Variants in PALM2AKAP2 observed in about 807,000 individuals in gnomAD.
The protein encoded by PALM2AKAP2 is PALM2-AKAP2 fusion protein.
In PALM2AKAP2, 37 loss-of-function variants were observed where a neutral mutation model predicts 71.5. The observed-to-expected ratio is 0.52, with a 90% CI of 0.40 to 0.68. The LOEUF is 0.68. PALM2AKAP2 is among the 30% of genes least tolerant of loss of function. PALM2AKAP2 has a pLI of 0.00. For missense variants in PALM2AKAP2, 1,224 were observed against 1,191.8 expected, an observed-to-expected ratio of 1.03 and a Z score of -0.40; for synonymous variants, 468 against 478.8, an observed-to-expected ratio of 0.98 and a Z score of 0.29.
At chr9:109,676,635 A>G (rs932008631) in intron 1 of PALM2AKAP2, among the ~76,000 whole-genome samples, 2 of 152,294 alleles carry the variant, frequency 1.3e-5, no homozygotes, top group East Asian at 1.9e-4. Flanking sequence ...GATATAGATG[A>G]GAAAAGAGAA....
At chr9:110,066,663 C>T (rs1341028055) in intron 1 of PALM2AKAP2, among the ~76,000 whole-genome samples, 4 of 150,876 alleles carry the variant, frequency 2.7e-5, no homozygotes, top group Non-Finnish European at 5.9e-5. Context: ...CACAACACTG[C>T]ACTCTAGCCT....
At chr9:110,164,568 T>A (rs1311154665) in intron 3 of PALM2AKAP2, among the ~76,000 whole-genome samples, 1 of 148,690 alleles carries the variant, frequency 6.7e-6, no homozygotes, top group Non-Finnish European at 1.5e-5. Context: ...TCTCACTCTG[T>A]CACCCAGGCT....
At chr9:109,985,189 A>AAAAC (rs1211747166) in intron 6 of PALM2AKAP2, among the ~76,000 whole-genome samples, 4 of 151,924 alleles carry the variant, frequency 2.6e-5, no homozygotes, top group Non-Finnish European at 5.9e-5. Context: ...AAAACAAAAC[A>AAAAC]AAACAAAAAC....
In PALM2AKAP2 at chr9:109,762,770, G is replaced by A. The variant is rs1416689253; in HGVS notation, c.6-17718G>A. On this transcript the variant is annotated intron_variant, in intron 1 of 6. Transcript: ENST00000374531. The stretch of plus-strand genomic sequence containing the variant: ...TGGGAAATTTTAAAAAGGAAAATAG[G>A]AGAATGACATAGACAAGTGACTTTT... Among the ~76,000 whole-genome samples, 6 of 152,232 alleles carry A rather than the reference G, an allele frequency of 3.9e-5. No homozygotes were observed. In the East Asian group the frequency reaches 1.2e-3, roughly 29 times the overall value.
chr9:109,923,075 C>G (rs529006506), intron 3 of PALM2AKAP2, among the ~76,000 whole-genome samples: 2 of 152,330 alleles, frequency 1.3e-5, no homozygotes, highest in East Asian at 3.9e-4. Context: ...CAAATCATAG[C>G]TGCAGCTGCT....
At chr9:110,017,189 G>A (rs1394901984) in intron 7 of PALM2AKAP2, among the ~76,000 whole-genome samples, 1 of 152,118 alleles carries the variant, frequency 6.6e-6, no homozygotes, top group Non-Finnish European at 1.5e-5. Flanking sequence ...TTCTCTCCTG[G>A]ATCTATTAGT....
intron 1 of PALM2AKAP2, among the ~76,000 whole-genome samples, chr9:109,768,005 G>GGAGAGA (rs1456974965): frequency 8.2e-6 from 1 of 122,076 alleles, no homozygotes; most frequent in Admixed American, 8.4e-5. Flanking sequence ...GCAAAGGCAG[G>GGAGAGA]TAGGTAGGAA....
chr9:109,814,793 C>A (rs1729565287), intron 1 of PALM2AKAP2, among the ~76,000 whole-genome samples: 1 of 152,182 alleles, frequency 6.6e-6, no homozygotes, highest in Non-Finnish European at 1.5e-5. Flanking sequence ...ATTGCATAAG[C>A]AGTTCCCTGT....
intron 1 of PALM2AKAP2, among the ~76,000 whole-genome samples, chr9:109,843,412 A>G (rs1828763760): frequency 6.6e-6 from 1 of 151,156 alleles, no homozygotes; most frequent in Non-Finnish European, 1.5e-5. Flanking sequence ...ACATTATTTC[A>G]TTGTTATTAC....
chr9:109,711,663 G>T (rs999987945), intron 1 of PALM2AKAP2, among the ~76,000 whole-genome samples: 1 of 152,246 alleles, frequency 6.6e-6, no homozygotes, highest in Non-Finnish European at 1.5e-5. Flanking sequence ...TAACAGGAGA[G>T]AGAAAAGGTG....
At chr9:109,701,436 A>G (rs1278376131) in intron 1 of PALM2AKAP2, among the ~76,000 whole-genome samples, 1 of 152,222 alleles carries the variant, frequency 6.6e-6, no homozygotes, top group Non-Finnish European at 1.5e-5. Context: ...CAGAAATAAT[A>G]CCACACATCT....
chr9:109,701,395 G>T (rs1011791452), intron 1 of PALM2AKAP2, among the ~76,000 whole-genome samples: 1 of 152,138 alleles, frequency 6.6e-6, no homozygotes, highest in Non-Finnish European at 1.5e-5. Flanking sequence ...CCAAAACAGA[G>T]ATATAGACCA....
chr9:109,793,086 A>C (rs976428015), intron 1 of PALM2AKAP2, among the ~76,000 whole-genome samples: 17 of 152,338 alleles, frequency 1.1e-4, no homozygotes, highest in African/African-American at 3.8e-4. Context: ...CTTTGATTTT[A>C]AATAGTAGCA....
intron 2 of PALM2AKAP2, among the ~76,000 whole-genome samples, chr9:110,141,433 AG>A (rs1337726087): frequency 6.6e-6 from 1 of 152,252 alleles, no homozygotes; most frequent in African/African-American, 2.4e-5. Flanking sequence ...CATTTAAAGC[AG>A]GCACCCGGGC....
At chr9:109,973,670 A>G (rs1421919305) in intron 6 of PALM2AKAP2, among the ~76,000 whole-genome samples, 2 of 152,220 alleles carry the variant, frequency 1.3e-5, no homozygotes, top group African/African-American at 4.8e-5. Context: ...GGGGGCAATA[A>G]TACTGTCTGC....
chr9:109,847,438 G>T (rs1476547960), intron 1 of PALM2AKAP2, among the ~76,000 whole-genome samples: 2 of 152,146 alleles, frequency 1.3e-5, no homozygotes, highest in Non-Finnish European at 2.9e-5. Flanking sequence ...AGAACTGTGA[G>T]AGAATAAATA....
In PALM2AKAP2 at chr9:110,071,034, C is replaced by T. The variant is rs149408308; in HGVS notation, c.156+22179C>T. Among the ~76,000 whole-genome samples, 313 of 151,850 alleles carry T rather than the reference C, an allele frequency of 2.1e-3. 2 individuals carry two copies. The highest frequency in any genetic ancestry group is 0.013 in the South Asian group (62 of 4,812). On this transcript the variant is annotated intron_variant, in intron 1 of 3. Transcript: ENST00000374525. Reference sequence around the variant, plus strand: ...CAAAAATTAGCCAGACATGGTGGTACGTGCCTGTAGTCTCAGCTATGTGGG... The same window carrying T: ...CAAAAATTAGCCAGACATGGTGGTATGTGCCTGTAGTCTCAGCTATGTGGG...
At chr9:109,768,437 A>T (rs1458434830) in intron 1 of PALM2AKAP2, among the ~76,000 whole-genome samples, 6 of 152,252 alleles carry the variant, frequency 3.9e-5, no homozygotes, top group African/African-American at 1.4e-4. Context: ...TTACATGCAT[A>T]AAATATGTAA....
At position 110,136,128 on chromosome 9, in the gene PALM2AKAP2, A is replaced by G. The variant is rs1835857931; in HGVS notation, c.158A>G (p.Lys53Arg). 3 of 1,565,532 alleles carry G rather than the reference A, an allele frequency of 1.9e-6. No homozygotes were observed. In the Admixed American group the frequency reaches 5.8e-5, roughly 30 times the overall value. Reference sequence around the variant, plus strand: ...ACTTTTGTTTACTCTTTATTCCAGAAGCCTCCCCAGCTTTCTGAGGATGAT... The same window carrying G: ...ACTTTTGTTTACTCTTTATTCCAGAGGCCTCCCCAGCTTTCTGAGGATGAT... The change falls in exon 2 of 4, where the codon AAG (lysine) becomes AGG (arginine). Residue 53 changes from lysine (K) to arginine (R), a missense_variant and splice_region_variant. Lys to Arg is a conservative substitution (Grantham distance 26). Transcript: ENST00000374525.
Sources: gnomAD v4.1 joint callset for allele counts (sites outside exome capture counted in the v4.1 genomes callset) on GRCh38, gnomAD v4.1.1 for gene constraint, MANE v1.5 for transcripts, NCBI Gene and HGNC (gene_info 2026-07-23, HGNC 2026-07-21) for gene names.